Variants in FIG4 observed in about 807,000 individuals in gnomAD.
FIG4 encodes FIG4 phosphoinositide 5-phosphatase.
Under a neutral mutation model 118.6 loss-of-function variants are expected in FIG4, and 112 were observed. The ratio of observed to expected loss-of-function variants is 0.94; its 90% CI spans 0.81 to 1.11. The LOEUF is 1.11. Ranked by LOEUF, FIG4 falls within the 50% of genes least tolerant of loss-of-function variation. FIG4 has a pLI of 0.00. For synonymous variants in FIG4, 369 were observed against 381.2 expected, an observed-to-expected ratio of 0.97 and a Z score of 0.37; for missense variants, 969 against 1,111.7, an observed-to-expected ratio of 0.87 and a Z score of 1.83.
intron 14 of FIG4, 71 bp from the exon 15 acceptor site, chr6:109,766,658 G>T: frequency 7.7e-7 from 1 of 1,297,944 alleles, no homozygotes; most frequent in Non-Finnish European, 1.1e-6. Context: ...GACTTGTTTG[G>T]AGTTTGGCTA....
At position 109,691,488 on chromosome 6, in the gene FIG4, A is replaced by G. The variant is rs762687855; in HGVS notation, c.53A>G (p.Tyr18Cys). ...IISSVQKLVL[Y>C]ETRARYFLVG... ...AGCTCGGTCCAGAAGCTGGTTCTGT[A>G]TGAGACTAGAGCTGTGAGTACCCCC... The change falls in exon 1 of 23, where the codon TAT (tyrosine) becomes TGT (cysteine). Residue 18 changes from tyrosine (Y) to cysteine (C), a missense_variant. Coordinates refer to ENST00000230124, the MANE Select transcript of FIG4 (RefSeq NM_014845.6). The G allele has an allele frequency of 6.8e-5, 108 of 1,581,336 alleles. No individual in the cohort carries two copies. Among genetic ancestry groups the G allele is most frequent in the Non-Finnish European group, 8.8e-5 (102 of 1,163,458 alleles).
intron 3 of FIG4, among the ~76,000 whole-genome samples, chr6:109,722,612 A>T (rs957527166): frequency 4.0e-5 from 6 of 151,002 alleles, no homozygotes; most frequent in Non-Finnish European, 5.9e-5. Context: ...TAAGATTCTT[A>T]TATATATATA....
At chr6:109,789,225 A>T (rs1380708425) in intron 18 of FIG4, among the ~76,000 whole-genome samples, 1 of 152,252 alleles carries the variant, frequency 6.6e-6, no homozygotes, top group Non-Finnish European at 1.5e-5. Context: ...TATACATCTT[A>T]GCAGAAGTTC....
intron 16 of FIG4, among the ~76,000 whole-genome samples, chr6:109,781,947 T>TAC (rs1264125712): frequency 6.6e-6 from 1 of 151,910 alleles, no homozygotes; most frequent in East Asian, 1.9e-4. Flanking sequence ...TTCACTTAAC[T>TAC]ACACTATTGC....
At chr6:109,720,137 A>G (rs1345892439) in intron 3 of FIG4, among the ~76,000 whole-genome samples, 3 of 152,212 alleles carry the variant, frequency 2.0e-5, no homozygotes, top group Admixed American at 6.6e-5. Context: ...ACTGGTAAAC[A>G]TTTAGTATTT....
At chr6:109,717,753 G>T (rs1264528303) in intron 3 of FIG4, among the ~76,000 whole-genome samples, 1 of 152,208 alleles carries the variant, frequency 6.6e-6, no homozygotes, top group Non-Finnish European at 1.5e-5. Context: ...ACCCAGAGGT[G>T]CTGGGAATGC....
intron 14 of FIG4, 120 bp from the exon 15 acceptor site, chr6:109,766,609 A>C: frequency 1.3e-6 from 1 of 798,300 alleles, no homozygotes; most frequent in Non-Finnish European, 2.1e-6. Flanking sequence ...ATATTGAAGA[A>C]TCTAACTTGA....
intron 3 of FIG4, 68 bp from the exon 4 acceptor site, chr6:109,727,041 T>C: frequency 8.2e-7 from 1 of 1,212,788 alleles, no homozygotes; most frequent in Non-Finnish European, 1.2e-6. Context: ...CTTTGGCCTT[T>C]TAAATAGGCA....
intron 8 of FIG4, among the ~76,000 whole-genome samples, chr6:109,741,866 C>A (rs982307936): frequency 1.3e-5 from 2 of 152,036 alleles, no homozygotes; most frequent in African/African-American, 4.8e-5. Flanking sequence ...AGTTCTAATA[C>A]TGTATTGTTA....
At chr6:109,770,045 A>G (rs1777412084) in intron 15 of FIG4, among the ~76,000 whole-genome samples, 1 of 152,158 alleles carries the variant, frequency 6.6e-6, no homozygotes, top group African/African-American at 2.4e-5. Context: ...ATTCATTTTA[A>G]AAACTGTTCT....
chr6:109,775,749 A>G (rs1777600203), intron 15 of FIG4, among the ~76,000 whole-genome samples: 1 of 152,176 alleles, frequency 6.6e-6, no homozygotes, highest in Admixed American at 6.5e-5. Context: ...TTTATATATT[A>G]CTTTTAGCCC....
chr6:109,736,841 G>A (rs1162907900), intron 6 of FIG4, among the ~76,000 whole-genome samples: 1 of 152,100 alleles, frequency 6.6e-6, no homozygotes, highest in Non-Finnish European at 1.5e-5. Context: ...ATATCAGCAG[G>A]ATTGCATTCC....
chr6:109,822,905 T>A (rs1342861609), intron 22 of FIG4, among the ~76,000 whole-genome samples: 1 of 149,080 alleles, frequency 6.7e-6, no homozygotes, highest in African/African-American at 2.5e-5. Context: ...ATATATATAG[T>A]GTGTGTGTAT....
intron 21 of FIG4, among the ~76,000 whole-genome samples, chr6:109,796,330 G>A (rs1778285924): frequency 6.6e-6 from 1 of 152,166 alleles, no homozygotes; most frequent in African/African-American, 2.4e-5. Flanking sequence ...GCCTGATCCT[G>A]CCCTTTCCAC....
intron 12 of FIG4, among the ~76,000 whole-genome samples, chr6:109,763,398 A>G (rs1033774239): frequency 8.7e-6 from 1 of 115,106 alleles, no homozygotes; most frequent in Admixed American, 7.7e-5. Flanking sequence ...AACATCATCT[A>G]TAGTATTTCA....
intron 1 of FIG4, among the ~76,000 whole-genome samples, chr6:109,707,291 A>ATATGTG (rs1554298621): frequency 6.9e-6 from 1 of 145,484 alleles, no homozygotes; most frequent in African/African-American, 2.6e-5. Flanking sequence ...ATATATATAT[A>ATATGTG]TGTGTGTGTG....
chr6:109,758,295 A>G (rs1367169053), intron 10 of FIG4, among the ~76,000 whole-genome samples: 6 of 152,226 alleles, frequency 3.9e-5, no homozygotes, highest in Admixed American at 6.5e-5. Context: ...GGCCTCAGAA[A>G]TGACACCACA....
intron 10 of FIG4, among the ~76,000 whole-genome samples, chr6:109,744,219 TA>T (rs1776411838): frequency 1.3e-5 from 2 of 152,116 alleles, no homozygotes; most frequent in Admixed American, 1.3e-4. Context: ...GCTAGATTCA[TA>T]AACTGGGGTA....
intron 22 of FIG4, among the ~76,000 whole-genome samples, chr6:109,822,538 T>C (rs2128402141): frequency 6.6e-6 from 1 of 152,128 alleles, no homozygotes; most frequent in East Asian, 1.9e-4. Context: ...TCATTGATCT[T>C]TGCTATATAA....
Sources: allele counts gnomAD v4.1 joint callset (sites outside exome capture counted in the v4.1 genomes callset), GRCh38; gene constraint gnomAD v4.1.1; transcripts MANE v1.5; gene names NCBI Gene and HGNC (gene_info 2026-07-23, HGNC 2026-07-21).